Variants in CTNNA2 observed in about 807,000 individuals in gnomAD.
The protein encoded by CTNNA2 is catenin alpha 2, also known as catenin alpha-2.
CTNNA2 carries 42 observed loss-of-function variants against 101.0 expected under a neutral mutation model. That is an observed-to-expected ratio of 0.42 (90% confidence interval 0.32 to 0.54). The LOEUF (loss-of-function observed/expected upper bound fraction) is 0.54. CTNNA2 is among the 20% of genes least tolerant of loss of function. The pLI, the probability that CTNNA2 is intolerant of heterozygous loss-of-function variation, is 0.14. For missense variants in CTNNA2, 871 were observed against 1,223.1 expected, an observed-to-expected ratio of 0.71 and a Z score of 4.29; for synonymous variants, 450 against 456.4, an observed-to-expected ratio of 0.99 and a Z score of 0.18.
At position 79,286,262 on chromosome 2, in the gene CTNNA2, T is replaced by A. The variant is rs549359753; in HGVS notation, c.-405-26447T>A. ...GCATTTAGTCCATTTACATTTAAAG[T>A]TAATATTGTTATGTGTGAATTTGAT... is the stretch of plus-strand genomic sequence containing the variant. On this transcript the variant is annotated intron_variant, in intron 2 of 21. Transcript: ENST00000466387. 2.6e-5 allele frequency among the ~76,000 whole-genome samples: 4 copies of A among 152,302 alleles called. No homozygotes were observed. In the South Asian group the frequency reaches 8.3e-4, roughly 32 times the overall value.
chr2:80,611,926 C>CA (rs1165781254), intron 17 of CTNNA2, among the ~76,000 whole-genome samples: 1 of 151,428 alleles, frequency 6.6e-6, no homozygotes, highest in Non-Finnish European at 1.5e-5. Flanking sequence ...CAAATGTACA[C>CA]AAAAATGGTA....
chr2:79,192,685 T>G, intron 1 of CTNNA2, among the ~76,000 whole-genome samples: 1 of 152,132 alleles, frequency 6.6e-6, no homozygotes, highest in East Asian at 1.9e-4. Flanking sequence ...TAAATAATAT[T>G]TTTAAATTAG....
intron 9 of CTNNA2, among the ~76,000 whole-genome samples, chr2:80,531,008 G>A (rs1690491337): frequency 6.6e-6 from 1 of 152,228 alleles, no homozygotes; most frequent in Non-Finnish European, 1.5e-5. Context: ...AGGTTTGAGG[G>A]GTTGAGCTTG....
At chr2:80,578,093 G>A (rs1695217798) in intron 13 of CTNNA2, among the ~76,000 whole-genome samples, 1 of 152,104 alleles carries the variant, frequency 6.6e-6, no homozygotes, top group African/African-American at 2.4e-5. Flanking sequence ...ACTGACATGT[G>A]GTATGACCCT....
intron 7 of CTNNA2, among the ~76,000 whole-genome samples, chr2:79,962,584 G>A (rs1574418412): frequency 6.6e-6 from 1 of 152,222 alleles, no homozygotes; most frequent in Non-Finnish European, 1.5e-5. Flanking sequence ...ATTATGTGTT[G>A]CATATAATAT....
chr2:80,632,492 C>G (rs566959820), intron 18 of CTNNA2, among the ~76,000 whole-genome samples: 1 of 152,166 alleles, frequency 6.6e-6, no homozygotes, highest in South Asian at 2.1e-4. Context: ...AATTTGAGGG[C>G]CCCAAGCATG....
At chr2:79,187,004 G>C (rs1673785905) in intron 1 of CTNNA2, among the ~76,000 whole-genome samples, 1 of 152,008 alleles carries the variant, frequency 6.6e-6, no homozygotes, top group Non-Finnish European at 1.5e-5. Flanking sequence ...AAACCTGAAA[G>C]ACCTTGGAAG....
At chr2:79,821,984 T>C (rs1474248290) in intron 3 of CTNNA2, among the ~76,000 whole-genome samples, 1 of 152,314 alleles carries the variant, frequency 6.6e-6, no homozygotes, top group South Asian at 2.1e-4. Flanking sequence ...TTTTACTTTT[T>C]TCACTAATCA....
intron 7 of CTNNA2, among the ~76,000 whole-genome samples, chr2:80,247,634 C>T (rs889687828): frequency 1.3e-5 from 2 of 152,172 alleles, no homozygotes; most frequent in Non-Finnish European, 2.9e-5. Context: ...TCAGAATCTT[C>T]TACCTCCTCA....
intron 15 of CTNNA2, among the ~76,000 whole-genome samples, chr2:80,593,287 G>A (rs115653190): frequency 0.013 from 2,010 of 152,084 alleles, 41 homozygotes; most frequent in African/African-American, 0.046. Flanking sequence ...TGTCTTCCAC[G>A]GATAGGAAGA....
At chr2:79,320,820 C>T (rs1676604105) in intron 3 of CTNNA2, among the ~76,000 whole-genome samples, 1 of 152,140 alleles carries the variant, frequency 6.6e-6, no homozygotes, top group Non-Finnish European at 1.5e-5. Flanking sequence ...CATGAAAGTA[C>T]TGAGGGCCCA....
At chr2:79,457,330 A>C (rs536252326) in intron 4 of CTNNA2, among the ~76,000 whole-genome samples, 1 of 152,222 alleles carries the variant, frequency 6.6e-6, no homozygotes, top group African/African-American at 2.4e-5. Flanking sequence ...TCCAAAGTCC[A>C]CAGCAAACAT....
chr2:79,312,803 A>G (rs766886252), intron 3 of CTNNA2: 2 of 152,242 alleles, frequency 1.3e-5, no homozygotes, highest in Non-Finnish European at 2.9e-5. Flanking sequence ...AAAGGTAAGA[A>G]AACAAGGGTA....
chr2:80,047,938 C>G (rs1417787033), intron 7 of CTNNA2, among the ~76,000 whole-genome samples: 1 of 152,140 alleles, frequency 6.6e-6, no homozygotes, highest in Non-Finnish European at 1.5e-5. Context: ...TCATCTTATC[C>G]TACAAATAAT....
chr2:79,273,796 C>T (rs942830555), intron 2 of CTNNA2, among the ~76,000 whole-genome samples: 7 of 151,262 alleles, frequency 4.6e-5, no homozygotes, highest in African/African-American at 1.7e-4. Context: ...GCGCTGACAG[C>T]AAGCTGCACT....
chr2:80,185,630 G>C (rs894986469), intron 7 of CTNNA2, among the ~76,000 whole-genome samples: 3 of 152,196 alleles, frequency 2.0e-5, no homozygotes, highest in Non-Finnish European at 4.4e-5. Flanking sequence ...TAAGTGGAAA[G>C]GGTCTATGGA....
intron 2 of CTNNA2, among the ~76,000 whole-genome samples, chr2:79,276,618 T>A (rs1675219371): frequency 6.6e-6 from 1 of 152,146 alleles, no homozygotes; most frequent in African/African-American, 2.4e-5. Flanking sequence ...TGCCTATTTT[T>A]GTTTTTTAGT....
intron 7 of CTNNA2, among the ~76,000 whole-genome samples, chr2:79,965,052 G>A (rs1274738511): frequency 6.6e-6 from 1 of 152,176 alleles, no homozygotes; most frequent in African/African-American, 2.4e-5. Flanking sequence ...GTGCTTGAAT[G>A]GCATTTCGAA....
At chr2:79,227,803 G>T (rs1412343274) in intron 2 of CTNNA2, among the ~76,000 whole-genome samples, 1 of 152,042 alleles carries the variant, frequency 6.6e-6, no homozygotes, top group Non-Finnish European at 1.5e-5. Context: ...ACGCAGATTT[G>T]TTACATGGGT....
Sources: gnomAD v4.1 joint callset for allele counts (sites outside exome capture counted in the v4.1 genomes callset) on GRCh38, gnomAD v4.1.1 for gene constraint, MANE v1.5 for transcripts, NCBI Gene and HGNC (gene_info 2026-07-23, HGNC 2026-07-21) for gene names.